Variants in STK33 observed in about 807,000 individuals in gnomAD.
The protein encoded by STK33 is serine/threonine-protein kinase 33.
STK33 carries 52 observed loss-of-function variants against 58.0 expected under a neutral mutation model. The ratio of observed to expected loss-of-function variants is 0.90; its 90% CI spans 0.72 to 1.13. The LOEUF (loss-of-function observed/expected upper bound fraction) is 1.13. STK33 is among the 50% of genes most tolerant of loss of function. STK33 has a pLI of 0.00. For missense variants in STK33, 630 were observed against 604.2 expected, an observed-to-expected ratio of 1.04 and a Z score of -0.45; for synonymous variants, 215 against 200.1, an observed-to-expected ratio of 1.07 and a Z score of -0.63.
chr11:8,479,793 A>G (rs1385265824), intron 2 of STK33, among the ~76,000 whole-genome samples: 1 of 152,142 alleles, frequency 6.6e-6, no homozygotes, highest in Non-Finnish European at 1.5e-5. Flanking sequence ...CAGTGAGCTG[A>G]GATCGCACCA....
chr11:8,384,080 G>T, the STK33 span, among the ~76,000 whole-genome samples: 1 of 152,220 alleles, frequency 6.6e-6, no homozygotes, highest in African/African-American at 2.4e-5. Context: ...GCAAGAGAGT[G>T]AAGGCACAAG....
chr11:8,421,893 C>T (rs1362941954), intron 14 of STK33, among the ~76,000 whole-genome samples: 1 of 152,036 alleles, frequency 6.6e-6, no homozygotes, highest in Non-Finnish European at 1.5e-5. Flanking sequence ...AGTAGAAGTG[C>T]AATTGACTTT....
At chr11:8,461,698 G>T in intron 8 of STK33, 107 bp downstream of exon 8, 1 of 743,328 alleles carries the variant, frequency 1.3e-6, no homozygotes, top group Non-Finnish European at 2.0e-6. Context: ...CAGACTCATG[G>T]CCAAGGACAT....
At chr11:8,547,078 T>C (rs898058038) in intron 1 of STK33, among the ~76,000 whole-genome samples, 12 of 152,250 alleles carry the variant, frequency 7.9e-5, no homozygotes, top group African/African-American at 2.7e-4. Context: ...CTAGCATCTG[T>C]TACTTTTCCT....
At chr11:8,553,170 ATATATATAT>A (rs1956430953) in intron 1 of STK33, among the ~76,000 whole-genome samples, 2 of 9,108 alleles carry the variant, frequency 2.2e-4, no homozygotes, top group Non-Finnish European at 4.4e-4. Flanking sequence ...AAAATAAAAT[ATATATATAT>A]ATATATATAT....
chr11:8,436,252 A>C, intron 12 of STK33, 113 bp from the exon 13 acceptor site: 1 of 518,606 alleles, frequency 1.9e-6, no homozygotes, highest in Non-Finnish European at 3.3e-6. Flanking sequence ...TAAGGAAAGG[A>C]TGGGAAGAGA....
chr11:8,354,472 C>CCCCA, the STK33 span, among the ~76,000 whole-genome samples: 1 of 55,990 alleles, frequency 1.8e-5, no homozygotes, highest in African/African-American at 7.1e-5. Context: ...GTCTGCAAAA[C>CCCCA]CTCACACACA....
intron 12 of STK33, 90 bp from the exon 13 acceptor site, chr11:8,436,229 G>T: frequency 1.5e-6 from 1 of 663,616 alleles, no homozygotes; most frequent in Non-Finnish European, 2.3e-6. Context: ...TGGAAGTAGT[G>T]TTGCTTCATA....
intron 12 of STK33, among the ~76,000 whole-genome samples, chr11:8,437,425 A>G (rs1944212358): frequency 6.6e-6 from 1 of 152,102 alleles, no homozygotes; most frequent in South Asian, 2.1e-4. Context: ...TCCTATAGAT[A>G]ACAACCAGAT....
In STK33 at chr11:8,440,542, G is replaced by A. The variant is rs540244055; in HGVS notation, c.947+136C>T. On this transcript the variant is annotated intron_variant, in intron 12 of 15. Transcript: ENST00000687296. ...TGTATACCTGACAACTAATAAGAGAGCTTTTAGAATGATCTCCCAATTGGT... is the reference window on the plus strand; with the variant it reads ...TGTATACCTGACAACTAATAAGAGAACTTTTAGAATGATCTCCCAATTGGT... 1.1e-4 allele frequency: 67 copies of A among 632,742 alleles called. No individual in the cohort carries two copies. The South Asian group carries it at 2.4e-3, about 23-fold the overall frequency. The allele number at this position is 632,742 out of a possible 1,614,324, so 39.2% of individuals were successfully genotyped here. A position where few individuals can be genotyped will look rare whatever the true frequency, so the allele number is the denominator to read the frequency against.
intron 1 of STK33, among the ~76,000 whole-genome samples, chr11:8,502,448 G>A (rs1020490975): frequency 3.9e-5 from 6 of 152,254 alleles, no homozygotes; most frequent in Admixed American, 2.0e-4. Flanking sequence ...ATTAAAACTG[G>A]ATCCCTTCCT....
In STK33 at chr11:8,410,470, C is replaced by CTTTTTTT. The variant is rs11382344; in HGVS notation, c.1344+3018_1344+3024dup. On this transcript the variant is annotated intron_variant, in intron 15 of 15. Coordinates refer to ENST00000687296, the MANE Select transcript of STK33 (RefSeq NM_001352389.2). ...GCAAAAATCTATTTTCTTTTCTTTT[C>CTTTTTTT]TTTTTTTTTTTTTTTTTTCTGAGAC... is the stretch of plus-strand genomic sequence containing the variant. Among the ~76,000 whole-genome samples the CTTTTTTT allele has an allele frequency of 1.5e-3, 185 of 121,794 alleles. 2 individuals carry two copies. The highest frequency in any genetic ancestry group is 4.5e-3 in the Middle Eastern group (1 of 224). 79.9% of individuals were successfully genotyped at this position (121,794 alleles called of 152,430 possible).
Position 8,448,146 on chromosome 11 carries a change from T to C in STK33, c.871+4676A>G, listed in dbSNP as rs550171041. On this transcript the variant is annotated intron_variant, in intron 11 of 15. Coordinates refer to ENST00000687296, the MANE Select transcript of STK33 (RefSeq NM_001352389.2). ...ATGAAATAAAAGAGGATACAACAAA[T>C]GGAAGAACATTCCATGCTCACGGGT... 3.3e-5 allele frequency among the ~76,000 whole-genome samples: 5 copies of C among 152,264 alleles called. No individual in the cohort carries two copies. In the East Asian group the frequency reaches 5.8e-4, roughly 18 times the overall value.
chr11:8,557,257 AAGGGGAGGGGAGGGGAGGG>A (rs1956808175), intron 1 of STK33, among the ~76,000 whole-genome samples: 1 of 17,960 alleles, frequency 5.6e-5, no homozygotes, highest in Non-Finnish European at 9.3e-5. Context: ...TGGGGAAGGG[AAGGGGAGGGGAGGGGAGGG>A]GAGGGGAGGG....
chr11:8,406,012 G>A (rs866117902), intron 15 of STK33, among the ~76,000 whole-genome samples: 11 of 151,744 alleles, frequency 7.2e-5, no homozygotes, highest in African/African-American at 2.4e-4. Flanking sequence ...GCATGGTGGC[G>A]GGTGCCTGTA....
chr11:8,381,140 A>G, the STK33 span, among the ~76,000 whole-genome samples: 1 of 152,102 alleles, frequency 6.6e-6, no homozygotes, highest in Non-Finnish European at 1.5e-5. Context: ...GAAGGATAAA[A>G]ACCTACATAT....
chr11:8,413,814 T>C (rs1940697958), intron 14 of STK33, 122 bp from the exon 15 acceptor site: 3 of 867,142 alleles, frequency 3.5e-6, no homozygotes, highest in Admixed American at 2.7e-5. Context: ...ATTATAATGC[T>C]GAATAAATAT....
At chr11:8,571,407 G>A (rs933075929) in intron 1 of STK33, among the ~76,000 whole-genome samples, 7 of 152,182 alleles carry the variant, frequency 4.6e-5, no homozygotes, top group African/African-American at 1.2e-4. Flanking sequence ...AGGGATAGGC[G>A]AGGGGAGAAT....
chr11:8,532,499 T>C (rs947621751), intron 1 of STK33, among the ~76,000 whole-genome samples: 6 of 152,246 alleles, frequency 3.9e-5, no homozygotes, highest in South Asian at 4.1e-4. Context: ...TACCTTATTC[T>C]ACCTCAATTA....
Sources: allele counts gnomAD v4.1 joint callset (sites outside exome capture counted in the v4.1 genomes callset), GRCh38; gene constraint gnomAD v4.1.1; transcripts MANE v1.5; gene names NCBI Gene and HGNC (gene_info 2026-07-23, HGNC 2026-07-21).